HLTF: variants seen among roughly 807,000 people sequenced by gnomAD.
The protein encoded by HLTF is helicase like transcription factor, also known as DNA-dependent ATPase/E3 ubiquitin-protein ligase HLTF.
HLTF carries 127 observed loss-of-function variants against 129.4 expected under a neutral mutation model. That is an observed-to-expected ratio of 0.98 (90% CI 0.85 to 1.14). The LOEUF (loss-of-function observed/expected upper bound fraction) is 1.14, where lower values mean the gene tolerates loss of function less well. Ranked by LOEUF, HLTF falls within the 50% of genes most tolerant of loss-of-function variation. The pLI is 0.00. For missense variants in HLTF, 1,139 were observed against 1,187.1 expected, an observed-to-expected ratio of 0.96 and a Z score of 0.60; for synonymous variants, 332 against 388.8, an observed-to-expected ratio of 0.85 and a Z score of 1.72.
intron 18 of HLTF, among the ~76,000 whole-genome samples, chr3:149,043,619 C>T (rs959897010): frequency 1.4e-5 from 2 of 146,828 alleles, no homozygotes; most frequent in African/African-American, 5.0e-5. Flanking sequence ...GGTACAATGA[C>T]AACATAGATT....
Position 149,048,076 on chromosome 3 carries a change from T to C in HLTF, c.1844A>G (p.His615Arg), listed in dbSNP as rs766828338. 1.2e-6 allele frequency: 2 copies of C among 1,613,310 alleles called. No homozygotes were observed. Among genetic ancestry groups the C allele is most frequent in the Admixed American group, 1.7e-5 (1 of 59,942 alleles). ...TGTGACAGGACGCTGTATTGTTCTA[T>C]GCCACCATTCTCTATCAATAAATGG... is the stretch of plus-strand genomic sequence containing the variant. ...LKPFIDREWWHRTIQRPVTMG... is the reference protein window; with the variant it reads ...LKPFIDREWWRRTIQRPVTMG... The change falls in exon 17 of 25, where the codon CAT becomes CGT. Residue 615 changes from histidine (H) to arginine (R), a missense_variant. His to Arg is a conservative substitution (Grantham distance 29, BLOSUM62 0). Coordinates refer to ENST00000310053, the MANE Select transcript of HLTF (RefSeq NM_003071.4).
At chr3:149,082,619 A>C (rs1719967402) in intron 2 of HLTF, among the ~76,000 whole-genome samples, 1 of 152,254 alleles carries the variant, frequency 6.6e-6, no homozygotes, top group Non-Finnish European at 1.5e-5. Context: ...TTGTCAAAAC[A>C]CTAGGATCAT....
At chr3:149,063,303 G>A (rs1172589366) in intron 10 of HLTF, 128 bp downstream of exon 10, 13 of 598,670 alleles carry the variant, frequency 2.2e-5, no homozygotes, top group Admixed American at 1.4e-4. Flanking sequence ...CTCATGATCC[G>A]CCCGCCTCGG....
chr3:149,054,086 G>C (rs141544440), intron 14 of HLTF, among the ~76,000 whole-genome samples: 4 of 151,794 alleles, frequency 2.6e-5, no homozygotes, highest in Admixed American at 6.6e-5. Context: ...TTCATGTCAC[G>C]GAAAAAAAGA....
chr3:149,060,907 A>G, intron 10 of HLTF, 49 bp from the exon 11 acceptor site: 1 of 1,208,046 alleles, frequency 8.3e-7, no homozygotes, highest in Middle Eastern at 2.0e-4. Context: ...CCAAAGCAAA[A>G]TAAGATATAC....
chr3:149,047,966 A>G, intron 17 of HLTF, 62 bp downstream of exon 17: 1 of 1,367,812 alleles, frequency 7.3e-7, no homozygotes, highest in East Asian at 2.5e-5. Flanking sequence ...GAAAGTGCCA[A>G]CTGGTTCAAG....
At chr3:149,065,771 A>C (rs1291047670) in intron 8 of HLTF, among the ~76,000 whole-genome samples, 1 of 152,174 alleles carries the variant, frequency 6.6e-6, no homozygotes, top group South Asian at 2.1e-4. Context: ...TGGAGGTTGT[A>C]GTGAGCCAAG....
rs1275299948 is a variant in HLTF at position 149,041,633 on chromosome 3, T to A, written c.2233A>T (p.Ile745Leu). 1.1e-5 allele frequency: 17 copies of A among 1,612,414 alleles called. No homozygotes were observed. The highest frequency in any genetic ancestry group is 1.4e-5 in the Non-Finnish European group (17 of 1,178,916). The change falls in exon 20 of 25, where the codon ATA becomes TTA. Residue 745 changes from isoleucine to leucine, a missense_variant. Ile to Leu is a conservative substitution (Grantham distance 5, BLOSUM62 2). Transcript: ENST00000310053. ...DTPEELRKKL[I>L]RKMKLILSSG... ...CTCAGAATTAACTTCATCTTCCTTA[T>A]TAACTTCTTTCTCAGTTCTTCAGGT... is the stretch of plus-strand genomic sequence containing the variant.
At chr3:149,046,356 A>G in intron 17 of HLTF, 97 bp from the exon 18 acceptor site, 1 of 664,906 alleles carries the variant, frequency 1.5e-6, no homozygotes. Flanking sequence ...TTACTGTTTT[A>G]TAGCTTCTGT....
At chr3:149,060,917 C>A in intron 10 of HLTF, 59 bp from the exon 11 acceptor site, 2 of 1,113,266 alleles carry the variant, frequency 1.8e-6, no homozygotes, top group Admixed American at 4.9e-5. Flanking sequence ...ATAAGATATA[C>A]AAACATGTTT....
In HLTF at chr3:149,071,347, G is replaced by T. The variant is rs770061848; in HGVS notation, c.799C>A (p.Arg267=). The T allele has an allele frequency of 6.2e-7, 1 of 1,611,764 alleles. No individual in the cohort carries two copies. The highest frequency in any genetic ancestry group is 8.5e-7 in the Non-Finnish European group (1 of 1,177,958). The change falls in exon 7 of 25, where the codon CGA becomes AGA. Residue 267 remains arginine, a synonymous_variant. Coordinates refer to ENST00000310053, the MANE Select transcript of HLTF (RefSeq NM_003071.4). ...SKELPPFWEQ[R]NDLYYNTITN... ...ATTGTGTTATAGTATAAGTCATTTC[G>T]CTGTTCCCAGAATGGTGGAAGTTCT...
chr3:149,050,549 T>C (rs1381157868), intron 14 of HLTF, among the ~76,000 whole-genome samples, 174 bp from the exon 15 acceptor site: 1 of 152,152 alleles, frequency 6.6e-6, no homozygotes, highest in Non-Finnish European at 1.5e-5. Flanking sequence ...AAATGACACA[T>C]ACACAGTAAT....
At chr3:149,075,762 C>G in intron 3 of HLTF, 119 bp downstream of exon 3, 1 of 551,128 alleles carries the variant, frequency 1.8e-6, no homozygotes, top group Non-Finnish European at 3.0e-6. Context: ...TAACACGTAC[C>G]AAAAGTACAG....
chr3:149,037,068 C>T (rs1266152968), intron 23 of HLTF, among the ~76,000 whole-genome samples: 1 of 152,160 alleles, frequency 6.6e-6, no homozygotes, highest in Admixed American at 6.5e-5. Flanking sequence ...AGAATTATCA[C>T]TGGATTAATT....
At chr3:149,054,210 T>G (rs1717234977) in intron 14 of HLTF, among the ~76,000 whole-genome samples, 1 of 152,076 alleles carries the variant, frequency 6.6e-6, no homozygotes, top group Admixed American at 6.6e-5. Flanking sequence ...AATTAAGGAA[T>G]TAGTAAGTAA....
rs772327180 is a variant in HLTF, at chr3:149,046,193, T to G, written c.1959A>C (p.Lys653Asn). Residue 653 changes from lysine to asparagine, a missense_variant, in exon 18 of 25, where the codon AAA (lysine) becomes AAC (asparagine). Lys to Asn is a moderately conservative substitution (Grantham distance 94). Transcript: ENST00000310053. ...RRTKTSKIKG[K>N]PVLELPERKV... The stretch of plus-strand genomic sequence containing the variant: ...TACGTTCTGGTAACTCCAAAACAGG[T>G]TTTCCTTTAATTTTGCTTGTCTTTG... 1.9e-6 allele frequency: 3 copies of G among 1,607,888 alleles called. No individual in the cohort carries two copies. The highest frequency in any genetic ancestry group is 2.6e-6 in the Non-Finnish European group (3 of 1,175,440).
At chr3:149,050,147 C>T (rs983819175) in intron 15 of HLTF, 85 bp downstream of exon 15, 2 of 766,904 alleles carry the variant, frequency 2.6e-6, no homozygotes, top group Admixed American at 3.1e-5. Context: ...AGTATAAAGC[C>T]TGAATTTTGG....
At chr3:149,079,662 G>T (rs546388144) in intron 2 of HLTF, among the ~76,000 whole-genome samples, 2 of 151,910 alleles carry the variant, frequency 1.3e-5, no homozygotes, top group African/African-American at 2.4e-5. Context: ...GCACAATCTC[G>T]GCTCACTGCA....
intron 13 of HLTF, among the ~76,000 whole-genome samples, chr3:149,056,431 GT>G (rs888584269): frequency 6.6e-6 from 1 of 152,124 alleles, no homozygotes; most frequent in African/African-American, 2.4e-5. Flanking sequence ...AAATTTCTGA[GT>G]TTTTAAAAAA....
Sources: gnomAD v4.1 joint callset for allele counts (sites outside exome capture counted in the v4.1 genomes callset) on GRCh38, gnomAD v4.1.1 for gene constraint, MANE v1.5 for transcripts, NCBI Gene and HGNC (gene_info 2026-07-23, HGNC 2026-07-21) for gene names.